UGCG: variants seen among roughly 807,000 people sequenced by gnomAD.
UGCG encodes ceramide glucosyltransferase.
Under a neutral mutation model 49.5 loss-of-function variants are expected in UGCG, and 10 were observed. The observed-to-expected ratio is 0.20, with a 90% CI of 0.12 to 0.34. The LOEUF (loss-of-function observed/expected upper bound fraction) is 0.34, where lower values mean the gene tolerates loss of function less well. Ranked by LOEUF, UGCG falls within the 10% of genes least tolerant of loss-of-function variation. The probability of loss-of-function intolerance (pLI) is 1.00; values close to 1 mark genes in which losing one functional copy is unlikely to be tolerated. For synonymous variants in UGCG, 182 were observed against 158.2 expected (o/e 1.15, Z -1.13); for missense variants, 312 against 483.7 (o/e 0.65, Z 3.33).
intron 2 of UGCG, among the ~76,000 whole-genome samples, chr9:111,916,648 T>G (rs538273647): frequency 2.0e-4 from 31 of 152,020 alleles, no homozygotes; most frequent in Admixed American, 6.5e-4. Flanking sequence ...TTTTGTATTT[T>G]TTGTAGAGGG....
At chr9:111,921,327 A>T (rs1047936652) in intron 2 of UGCG, among the ~76,000 whole-genome samples, 7 of 151,220 alleles carry the variant, frequency 4.6e-5, no homozygotes, top group Non-Finnish European at 1.0e-4. Flanking sequence ...ATAGAGTAGT[A>T]TTTTTGTATG....
chr9:111,911,923 T>G (rs763604502), intron 1 of UGCG, among the ~76,000 whole-genome samples: 2 of 21,668 alleles, frequency 9.2e-5, no homozygotes, highest in African/African-American at 2.2e-4. Flanking sequence ...TATATATATA[T>G]ATATATATAT....
At chr9:111,922,520 C>A (rs1564203472) in intron 2 of UGCG, among the ~76,000 whole-genome samples, 1 of 152,140 alleles carries the variant, frequency 6.6e-6, no homozygotes, top group African/African-American at 2.4e-5. Context: ...AGTAAATCTT[C>A]AGTAGTGATG....
At chr9:111,919,480 C>G (rs1263899242) in intron 2 of UGCG, among the ~76,000 whole-genome samples, 1 of 150,946 alleles carries the variant, frequency 6.6e-6, no homozygotes, top group Non-Finnish European at 1.5e-5. Context: ...AAGACCCTGT[C>G]TCAAAAAAAA....
chr9:111,930,269 A>G (rs868091642), intron 6 of UGCG, among the ~76,000 whole-genome samples: 2 of 152,174 alleles, frequency 1.3e-5, no homozygotes, highest in African/African-American at 4.8e-5. Context: ...TAGAATTTTT[A>G]CTATATAGAT....
Position 111,934,786 on chromosome 9 carries a change from G to T in UGCG, c.*1789G>T, listed in dbSNP as rs1421475644. 2 of 151,082 alleles carry T rather than the reference G, an allele frequency of 1.3e-5. No individual in the cohort carries two copies. The highest frequency in any genetic ancestry group is 2.9e-5 in the Non-Finnish European group (2 of 67,882). 9.4% of individuals were successfully genotyped at this position (151,082 alleles called of 1,614,324 possible). On this transcript the variant is annotated 3_prime_UTR_variant, in exon 9 of 9. Transcript: ENST00000374279. Reference sequence around the variant, plus strand: ...AAGGGCATTTTCTTTATGAACAAAGGCTTGGATGCATATTCCTTTCTTTCT... The same window carrying T: ...AAGGGCATTTTCTTTATGAACAAAGTCTTGGATGCATATTCCTTTCTTTCT...
rs1374392885 is a variant in UGCG, at chr9:111,931,367, C to T, written c.824+10C>T. 3 of 1,612,116 alleles carry T rather than the reference C, an allele frequency of 1.9e-6. No homozygotes were observed. Among genetic ancestry groups the T allele is most frequent in the African/African-American group, 1.3e-5 (1 of 74,844 alleles). On this transcript the variant is annotated intron_variant, in intron 7 of 8. Transcript: ENST00000374279. ...AATCCAGAATGATCAGGTAAATCAA[C>T]TGTTTTCTTTTTATACTTCGTTAAA...
chr9:111,932,682 A>ATT, intron 8 of UGCG, 145 bp from the exon 9 acceptor site: 1 of 745,884 alleles, frequency 1.3e-6, no homozygotes, highest in Non-Finnish European at 2.1e-6. Context: ...CTTGAACGGT[A>ATT]TAACATGGCA....
chr9:111,923,921 C>G (rs572945029), intron 3 of UGCG, among the ~76,000 whole-genome samples: 7 of 151,940 alleles, frequency 4.6e-5, no homozygotes, highest in Non-Finnish European at 8.8e-5. Context: ...TCCCCAGTAG[C>G]TGGGATTACA....
In UGCG at chr9:111,896,980, A is replaced by C; in HGVS notation, c.-236A>C. On this transcript the variant is annotated 5_prime_UTR_variant, in exon 1 of 9. Transcript: ENST00000374279. Reference sequence around the variant, plus strand: ...GCCCCGACCAGAGCCGGGAGACCGCAGCACCCGCAGCCGCCCGCGAGCGCG... The same window carrying C: ...GCCCCGACCAGAGCCGGGAGACCGCCGCACCCGCAGCCGCCCGCGAGCGCG... 5.0e-6 allele frequency: 1 copy of C among 202,004 alleles called. No homozygotes were observed. 12.5% of individuals were successfully genotyped at this position (202,004 alleles called of 1,614,324 possible).
intron 2 of UGCG, among the ~76,000 whole-genome samples, chr9:111,921,406 C>G (rs1194894088): frequency 2.0e-5 from 3 of 152,016 alleles, no homozygotes; most frequent in African/African-American, 7.2e-5. Flanking sequence ...AATCCCAGCA[C>G]TTTGGGAGGC....
chr9:111,905,342 T>C (rs1274464003), intron 1 of UGCG, among the ~76,000 whole-genome samples: 1 of 152,206 alleles, frequency 6.6e-6, no homozygotes, highest in African/African-American at 2.4e-5. Flanking sequence ...TATTCTTTCT[T>C]GAACCCTTTG....
In UGCG at chr9:111,900,252, A is replaced by C. The variant is rs183525178; in HGVS notation, c.98+2939A>C. On this transcript the variant is annotated intron_variant, in intron 1 of 8. Coordinates refer to ENST00000374279, the MANE Select transcript of UGCG (RefSeq NM_003358.3). ...CCCTTGGGAGCCACGTTGCTGCGTG[A>C]TGAAGTGATCTAAGCAGAAACCTTG... 2.6e-5 allele frequency among the ~76,000 whole-genome samples: 4 copies of C among 152,106 alleles called. No individual in the cohort carries two copies. The East Asian group carries it at 7.7e-4, about 29-fold the overall frequency.
At chr9:111,903,973 T>C (rs76058856) in intron 1 of UGCG, among the ~76,000 whole-genome samples, 196 of 152,300 alleles carry the variant, frequency 1.3e-3, no homozygotes, top group African/African-American at 4.3e-3. Context: ...AAGAAACAAC[T>C]GCTGCCTGGG....
At chr9:111,917,450 G>A (rs1212654255) in intron 2 of UGCG, among the ~76,000 whole-genome samples, 3 of 152,130 alleles carry the variant, frequency 2.0e-5, no homozygotes, top group Admixed American at 6.5e-5. Flanking sequence ...AAACATTTAC[G>A]TGACTGCCAG....
chr9:111,897,713 T>TACAA (rs1837690768), intron 1 of UGCG, among the ~76,000 whole-genome samples: 1 of 151,966 alleles, frequency 6.6e-6, no homozygotes, highest in Non-Finnish European at 1.5e-5. Context: ...GTGTCCACTT[T>TACAA]TCTGGGAGCT....
intron 5 of UGCG, among the ~76,000 whole-genome samples, chr9:111,926,852 C>T (rs1026109955): frequency 6.7e-6 from 1 of 149,184 alleles, no homozygotes; most frequent in East Asian, 1.9e-4. Flanking sequence ...CTGGCCCCCT[C>T]CCCCCAGCCT....
At chr9:111,927,358 A>G (rs1461557652) in intron 5 of UGCG, among the ~76,000 whole-genome samples, 4 of 152,156 alleles carry the variant, frequency 2.6e-5, no homozygotes, top group Non-Finnish European at 5.9e-5. Context: ...ATAGGAAACT[A>G]TAAATAATGG....
intron 2 of UGCG, among the ~76,000 whole-genome samples, chr9:111,921,802 ATTT>A (rs71373800): frequency 1.0e-3 from 58 of 55,528 alleles, no homozygotes; most frequent in African/African-American, 2.6e-3. Flanking sequence ...CCCCAGGGTG[ATTT>A]TTTTTTTTTT....
Sources: gnomAD v4.1 joint callset for allele counts (sites outside exome capture counted in the v4.1 genomes callset) on GRCh38, gnomAD v4.1.1 for gene constraint, MANE v1.5 for transcripts, NCBI Gene and HGNC (gene_info 2026-07-23, HGNC 2026-07-21) for gene names.